Variants in MPZL2 observed in about 807,000 individuals in gnomAD.
The protein encoded by MPZL2 is myelin protein zero-like protein 2.
MPZL2 carries 32 observed loss-of-function variants against 24.5 expected under a neutral mutation model. The ratio of observed to expected loss-of-function variants is 1.31; its 90% confidence interval spans 0.99 to 1.76. The LOEUF is 1.76. Among genes scored for constraint, MPZL2 ranks in the 40% most tolerant of loss-of-function variants. The pLI is 0.00. For synonymous variants in MPZL2, 92 were observed against 97.9 expected, an observed-to-expected ratio of 0.94 and a Z score of 0.36; for missense variants, 304 against 274.9, an observed-to-expected ratio of 1.11 and a Z score of -0.75.
intron 1 of MPZL2, 195 bp from the exon 2 acceptor site, chr11:118,263,292 T>G (rs1591506127): frequency 3.6e-6 from 2 of 560,508 alleles, no homozygotes; most frequent in Non-Finnish European, 6.2e-6. Context: ...CCATTCCATG[T>G]GACAACTAAA....
Position 118,260,053 on chromosome 11 carries a change from C to G in MPZL2, c.584+1G>C, listed in dbSNP as rs201782092. On this transcript the variant is annotated splice_donor_variant, in intron 4 of 5. Coordinates refer to ENST00000278937, the MANE Select transcript of MPZL2 (RefSeq NM_005797.4). LOFTEE classifies it high-confidence loss of function. ...ACTTTCCCAGAACTGCCCAGCCTTA[C>G]GATTTTATCTCCACCACTTTATGAG... The G allele has an allele frequency of 6.2e-7, 1 of 1,613,688 alleles. No homozygotes were observed. Among genetic ancestry groups the G allele is most frequent in the Non-Finnish European group, 8.5e-7 (1 of 1,179,796 alleles).
chr11:118,262,615 T>C lies in MPZL2; in HGVS notation c.259A>G (p.Met87Val), dbSNP rs1211993582. The part of the protein sequence containing the change: ...FYYHIDPFQP[M>V]SGRFKDRVSW... ...ACCCGGTCCTTAAACCGCCCACTCA[T>C]GGGTTGGAAGGGATCTATGTGGTAG... Residue 87 changes from methionine to valine, a missense_variant, in exon 3 of 6, where the codon ATG becomes GTG. By Grantham distance (21) the Met-to-Val change is conservative. Transcript: ENST00000278937. The C allele has an allele frequency of 5.0e-6, 8 of 1,613,966 alleles. No individual in the cohort carries two copies. The highest frequency in any genetic ancestry group is 1.3e-5 in the African/African-American group (1 of 75,020).
At chr11:118,259,030 T>C (rs1169380468) in intron 4 of MPZL2, among the ~76,000 whole-genome samples, 1 of 112,016 alleles carries the variant, frequency 8.9e-6, no homozygotes, top group African/African-American at 2.8e-5. Context: ...AAAAAGACAA[T>C]GAGTGTTGAG....
rs752471983 is a variant in MPZL2, at chr11:118,264,203, C to T, written c.-50G>A. On this transcript the variant is annotated 5_prime_UTR_variant, in exon 1 of 6. Coordinates refer to ENST00000278937, the MANE Select transcript of MPZL2 (RefSeq NM_005797.4). ...GAGACCGGACGGGGCAGACCGAGGG[C>T]TCCAACACCCTGCCAAGGCCACTCC... The T allele has an allele frequency of 3.8e-6, 6 of 1,585,066 alleles. No individual in the cohort carries two copies. Among genetic ancestry groups the T allele is most frequent in the African/African-American group, 2.7e-5 (2 of 74,306 alleles).
chr11:118,263,714 GTCTC>G (rs1185524471), intron 1 of MPZL2, among the ~76,000 whole-genome samples: 5 of 152,178 alleles, frequency 3.3e-5, no homozygotes, highest in Non-Finnish European at 5.9e-5. Context: ...ATCACAGTAG[GTCTC>G]TCTCTAACAA....
At position 118,260,090 on chromosome 11, in the gene MPZL2, C is replaced by T. The variant is rs1949689327; in HGVS notation, c.548G>A (p.Trp183Ter). ...CACCACTTTATGAGCTCTTTCGGCC[C>T]ATCGCTTTTTCCGGTAATGCTGGAA... ...VLFQHYRKKR[W>*]AERAHKVVEI... The change falls in exon 4 of 6, where the codon TGG (tryptophan) becomes TAG (stop). Residue 183 changes from tryptophan (W) to a stop codon, truncating the protein, a stop_gained. Transcript: ENST00000278937. LOFTEE classifies it high-confidence loss of function. The T allele has an allele frequency of 6.2e-7, 1 of 1,614,094 alleles. No homozygotes were observed. Among genetic ancestry groups the T allele is most frequent in the African/African-American group, 1.3e-5 (1 of 75,038 alleles).
At chr11:118,258,150 T>C (rs1175432156) in intron 4 of MPZL2, among the ~76,000 whole-genome samples, 1 of 152,048 alleles carries the variant, frequency 6.6e-6, no homozygotes, top group African/African-American at 2.4e-5. Context: ...AACTCAAAGA[T>C]CTAAATGTAA....
Position 118,253,646 on chromosome 11 carries a change from A to T in MPZL2, c.*1600T>A, listed in dbSNP as rs553594599. On this transcript the variant is annotated 3_prime_UTR_variant, in exon 6 of 6. Coordinates refer to ENST00000278937, the MANE Select transcript of MPZL2 (RefSeq NM_005797.4). ...ATTCTTATGGACCATCATCCAGGACATCTGTTTGAAGAAATATCCAGTTAT... is the reference window on the plus strand; with the variant it reads ...ATTCTTATGGACCATCATCCAGGACTTCTGTTTGAAGAAATATCCAGTTAT... 37 of 152,214 alleles carry T rather than the reference A, an allele frequency of 2.4e-4. No individual in the cohort carries two copies. The highest frequency in any genetic ancestry group is 5.3e-4 in the Non-Finnish European group (36 of 68,024). 9.4% of individuals were successfully genotyped at this position (152,214 alleles called of 1,614,324 possible). A position where few individuals can be genotyped will look rare whatever the true frequency, so the allele number is the denominator to read the frequency against.
At position 118,264,145 on chromosome 11, in the gene MPZL2, G is replaced by T. The variant is rs1300819135; in HGVS notation, c.9C>A (p.Gly3=). The T allele has an allele frequency of 6.2e-7, 1 of 1,614,104 alleles. No homozygotes were observed. Among genetic ancestry groups the T allele is most frequent in the Non-Finnish European group, 8.5e-7 (1 of 1,180,022 alleles). MY[G]KSSTRAVLLL... ...GAAGCACCGCACGAGTAGAGCTCTT[G>T]CCATACATGAGGGAAACCCAGCCTT... The change falls in exon 1 of 6, where the codon GGC becomes GGA. Residue 3 remains glycine, a synonymous_variant. Coordinates refer to ENST00000278937, the MANE Select transcript of MPZL2 (RefSeq NM_005797.4).
At position 118,263,101 on chromosome 11, in the gene MPZL2, C is replaced by T. The variant is rs768644686; in HGVS notation, c.59-4G>A. ...ACAGCTGCTATAGGCCAAAGAGCTGCAATGAAAAAGAAGAAAAAGAAGGGT... is the reference window on the plus strand; with the variant it reads ...ACAGCTGCTATAGGCCAAAGAGCTGTAATGAAAAAGAAGAAAAAGAAGGGT... On this transcript the variant is annotated splice_polypyrimidine_tract_variant and splice_region_variant and intron_variant, in intron 1 of 5. Coordinates refer to ENST00000278937, the MANE Select transcript of MPZL2 (RefSeq NM_005797.4). 1.9e-6 allele frequency: 3 copies of T among 1,609,750 alleles called. No individual in the cohort carries two copies. The highest frequency in any genetic ancestry group is 1.7e-6 in the Non-Finnish European group (2 of 1,178,666).
Position 118,253,458 on chromosome 11 carries a change from T to C in MPZL2, c.*1788A>G, listed in dbSNP as rs1034214665. ...CTTTATTACTAAAGGTTTATTTACATAGTGTTTAAAGCATAATAAAAAATA... is the reference window on the plus strand; with the variant it reads ...CTTTATTACTAAAGGTTTATTTACACAGTGTTTAAAGCATAATAAAAAATA... On this transcript the variant is annotated 3_prime_UTR_variant, in exon 6 of 6. Coordinates refer to ENST00000278937, the MANE Select transcript of MPZL2 (RefSeq NM_005797.4). 1.2e-4 allele frequency: 19 copies of C among 152,220 alleles called. No homozygotes were observed. The highest frequency in any genetic ancestry group is 2.6e-4 in the Non-Finnish European group (18 of 68,038). 9.4% of individuals were successfully genotyped at this position (152,220 alleles called of 1,614,324 possible). A position where few individuals can be genotyped will look rare whatever the true frequency, so the allele number is the denominator to read the frequency against.
chr11:118,263,627 T>C (rs1949719091), intron 1 of MPZL2, among the ~76,000 whole-genome samples: 1 of 152,176 alleles, frequency 6.6e-6, no homozygotes, highest in Non-Finnish European at 1.5e-5. Flanking sequence ...CCTGCACCCC[T>C]AGAACCTTTG....
At position 118,260,192 on chromosome 11, in the gene MPZL2, G is replaced by A. The variant is rs1215586659; in HGVS notation, c.446C>T (p.Ser149Phe). ...RLSVVHTVRF[S>F]EIHFLALAIG... ...GGCCAGAGCCAGGAAGTGGATCTCA[G>A]AGAAGCGTACTGTAAGGAGAAAAAG... The change falls in exon 4 of 6, where the codon TCT becomes TTT. Residue 149 changes from serine to phenylalanine, a missense_variant. Physicochemically the swap from Ser to Phe is radical, Grantham distance 155. Coordinates refer to ENST00000278937, the MANE Select transcript of MPZL2 (RefSeq NM_005797.4). 6.2e-7 allele frequency: 1 copy of A among 1,613,934 alleles called. No homozygotes were observed.
intron 5 of MPZL2, among the ~76,000 whole-genome samples, chr11:118,256,570 A>C (rs1949661643): frequency 6.6e-6 from 1 of 152,138 alleles, no homozygotes; most frequent in Non-Finnish European, 1.5e-5. Context: ...GGATCACTTG[A>C]GCTTGGGAGG....
rs1007218538 is a variant in MPZL2 at position 118,253,456 on chromosome 11, C to T, written c.*1790G>A. ...TTCTTTATTACTAAAGGTTTATTTA[C>T]ATAGTGTTTAAAGCATAATAAAAAA... On this transcript the variant is annotated 3_prime_UTR_variant, in exon 6 of 6. Transcript: ENST00000278937. 2.0e-5 allele frequency: 3 copies of T among 152,084 alleles called. No individual in the cohort carries two copies. The highest frequency in any genetic ancestry group is 6.5e-5 in the Admixed American group (1 of 15,272). The allele number at this position is 152,084 out of a possible 1,614,324, so 9.4% of individuals were successfully genotyped here. A position where few individuals can be genotyped will look rare whatever the true frequency, so the allele number is the denominator to read the frequency against.
intron 4 of MPZL2, among the ~76,000 whole-genome samples, chr11:118,258,507 C>T (rs932411224): frequency 6.6e-6 from 1 of 152,156 alleles, no homozygotes; most frequent in Admixed American, 6.5e-5. Context: ...TACAAATGGA[C>T]AATAAGAACA....
chr11:118,259,252 G>A (rs1949682389), intron 4 of MPZL2: 1 of 152,084 alleles, frequency 6.6e-6, no homozygotes, highest in Non-Finnish European at 1.5e-5. Context: ...CAGCCAACAA[G>A]CAGAAAAAAC....
chr11:118,258,592 T>C (rs188338941), intron 4 of MPZL2, among the ~76,000 whole-genome samples: 44 of 152,298 alleles, frequency 2.9e-4, no homozygotes, highest in Non-Finnish European at 4.4e-4. Flanking sequence ...TCACATCCAC[T>C]AGATGGCTTC....
At chr11:118,262,015 G>A (rs1949703817) in intron 3 of MPZL2, among the ~76,000 whole-genome samples, 1 of 152,194 alleles carries the variant, frequency 6.6e-6, no homozygotes, top group Non-Finnish European at 1.5e-5. Flanking sequence ...ATTAGTACCT[G>A]CCTCCTAGAG....
Sources: allele counts gnomAD v4.1 joint callset (sites outside exome capture counted in the v4.1 genomes callset), GRCh38; gene constraint gnomAD v4.1.1; transcripts MANE v1.5; gene names NCBI Gene and HGNC (gene_info 2026-07-23, HGNC 2026-07-21).